The following RBM38 variants were observed in gnomAD, a reference collection of about 807,000 sequenced individuals.
The protein encoded by RBM38 is RNA binding motif protein 38, also known as RNA-binding protein 38.
RBM38 carries 11 observed loss-of-function variants against 23.5 expected under a neutral mutation model. That is an observed-to-expected ratio of 0.47 (90% CI 0.29 to 0.77). The LOEUF (loss-of-function observed/expected upper bound fraction) is 0.77, where lower values mean the gene tolerates loss of function less well. Among genes scored for constraint, RBM38 ranks in the 30% least tolerant of loss-of-function variants. The pLI is 0.08. For synonymous variants in RBM38, 165 were observed against 166.1 expected, an observed-to-expected ratio of 0.99 and a Z score of 0.05; for missense variants, 330 against 351.9, an observed-to-expected ratio of 0.94 and a Z score of 0.50.
rs2067235790 is a variant in RBM38 at position 57,392,908 on chromosome 20, G to C, written c.361+131G>C. On this transcript the variant is annotated intron_variant, in intron 2 of 3. Transcript: ENST00000356208. ...CGGCTATCATGTGCCTGCAGAGCCGGCACAGGGCAGCCATCCCCCCCTCGA... is the reference window on the plus strand; with the variant it reads ...CGGCTATCATGTGCCTGCAGAGCCGCCACAGGGCAGCCATCCCCCCCTCGA... 3 of 1,244,520 alleles carry C rather than the reference G, an allele frequency of 2.4e-6. No individual in the cohort carries two copies. In the Admixed American group the frequency reaches 6.9e-5, roughly 29 times the overall value. 77.1% of individuals were successfully genotyped at this position (1,244,520 alleles called of 1,614,324 possible). A position where few individuals can be genotyped will look rare whatever the true frequency, so the allele number is the denominator to read the frequency against.
Position 57,407,849 on chromosome 20 carries a change from G to T in RBM38, c.*3G>T. ...TGCAGCCTGACAGGATGCAGTGAGG[G>T]GCGTTCCTGCCCCGAGGACTGTGGC... is the stretch of plus-strand genomic sequence containing the variant. On this transcript the variant is annotated 3_prime_UTR_variant, in exon 4 of 4. Transcript: ENST00000356208. This position sits in a 1 kb window ranked among gnomAD's most constrained non-coding sequence, Gnocchi z 4.0. 1 of 1,555,280 alleles carries T rather than the reference G, an allele frequency of 6.4e-7. No individual in the cohort carries two copies.
chr20:57,395,295 A>G (rs529906842), intron 3 of RBM38, among the ~76,000 whole-genome samples: 1 of 145,540 alleles, frequency 6.9e-6, no homozygotes, highest in East Asian at 2.0e-4. Context: ...ATTGGAACAC[A>G]GGTGGTGGGT....
chr20:57,402,034 G>A (rs938713347), intron 3 of RBM38, among the ~76,000 whole-genome samples: 3 of 152,224 alleles, frequency 2.0e-5, no homozygotes, highest in Admixed American at 6.5e-5. Flanking sequence ...TGCAGCCTCC[G>A]CCTCCCGGGT....
intron 3 of RBM38, among the ~76,000 whole-genome samples, chr20:57,406,100 C>T (rs1365837506): frequency 6.6e-6 from 1 of 152,194 alleles, no homozygotes; most frequent in African/African-American, 2.4e-5. Context: ...GATACTGATG[C>T]CCAGGGCACA....
At chr20:57,393,460 G>A in intron 3 of RBM38, 127 bp downstream of exon 3, 7 of 1,064,248 alleles carry the variant, frequency 6.6e-6, no homozygotes, top group Admixed American at 1.8e-5. Context: ...TTTAAGCCAA[G>A]GGAGTGAAGA....
At chr20:57,405,686 C>T (rs187136496) in intron 3 of RBM38, among the ~76,000 whole-genome samples, 335 of 152,322 alleles carry the variant, frequency 2.2e-3, no homozygotes, top group Non-Finnish European at 3.5e-3. Context: ...GCTGCAGGAT[C>T]CACTGAGTGC....
chr20:57,392,831 G>A, intron 2 of RBM38, 54 bp downstream of exon 2: 2 of 1,588,718 alleles, frequency 1.3e-6, no homozygotes, highest in South Asian at 2.3e-5. Context: ...ATTGGGTGTC[G>A]GTATCTGTCG....
chr20:57,396,484 G>A (rs930782354), intron 3 of RBM38, among the ~76,000 whole-genome samples: 7 of 152,220 alleles, frequency 4.6e-5, no homozygotes, highest in Admixed American at 2.6e-4. Flanking sequence ...TGAGGGCACC[G>A]GGAGCAGAGG....
In RBM38 at chr20:57,408,744, C is replaced by G. The variant is rs1278679824; in HGVS notation, c.*898C>G. 1 of 152,258 alleles carries G rather than the reference C, an allele frequency of 6.6e-6. No homozygotes were observed. The highest frequency in any genetic ancestry group is 2.4e-5 in the African/African-American group (1 of 41,460). 9.4% of individuals were successfully genotyped at this position (152,258 alleles called of 1,614,324 possible). On this transcript the variant is annotated 3_prime_UTR_variant, in exon 4 of 4. Transcript: ENST00000356208. ...CCCTCAGGCCCGTGCGGGCCACTGTCTGCTGCCGCCTGCCGGGGTGGCAGA... is the reference window on the plus strand; with the variant it reads ...CCCTCAGGCCCGTGCGGGCCACTGTGTGCTGCCGCCTGCCGGGGTGGCAGA...
Position 57,407,712 on chromosome 20 carries a change from C to CCTGCCACGG in RBM38, c.593_601dup (p.Thr198_Ala200dup), listed in dbSNP as rs1182231043. 1.5e-5 allele frequency: 24 copies of CCTGCCACGG among 1,612,078 alleles called. No homozygotes were observed. Among genetic ancestry groups the CCTGCCACGG allele is most frequent in the Non-Finnish European group, 1.9e-5 (22 of 1,179,748 alleles). ...TGACCAGTACCCATACGCCGCCTCG[C>CCTGCCACGG]CTGCCACGGCTGCCAGCTTCGTGGG... On this transcript the variant is annotated inframe_insertion, in exon 4 of 4. Coordinates refer to ENST00000356208, the MANE Select transcript of RBM38 (RefSeq NM_017495.6). The surrounding 1 kb of genome is among the most constrained non-coding windows in gnomAD (Gnocchi z 4.0).
At position 57,391,575 on chromosome 20, in the gene RBM38, G is replaced by GC. The variant is rs1235931740; in HGVS notation, c.-1dup. ...GGCCCGGGTCCGTAGGCGGCGGGGC[G>GC]CCCCCCATGCTGCTGCAGCCCGCGC... On this transcript the variant is annotated 5_prime_UTR_variant, in exon 1 of 4. Transcript: ENST00000356208. 4 of 1,147,900 alleles carry GC rather than the reference G, an allele frequency of 3.5e-6. No individual in the cohort carries two copies. The highest frequency in any genetic ancestry group is 1.7e-5 in the African/African-American group (1 of 60,188). 71.1% of individuals were successfully genotyped at this position (1,147,900 alleles called of 1,614,324 possible).
chr20:57,393,076 G>A, intron 2 of RBM38: 1 of 645,464 alleles, frequency 1.5e-6, no homozygotes, highest in South Asian at 1.8e-5. Flanking sequence ...GACACCAGTG[G>A]CTGCTGACAC....
intron 3 of RBM38, among the ~76,000 whole-genome samples, chr20:57,400,828 G>C (rs1441169742): frequency 6.6e-6 from 1 of 152,102 alleles, no homozygotes; most frequent in African/African-American, 2.4e-5. Flanking sequence ...TTCTGAGGCC[G>C]GAACTTGGAA....
Position 57,407,477 on chromosome 20 carries a change from C to A in RBM38, c.417-66C>A. 6.5e-7 allele frequency: 1 copy of A among 1,537,458 alleles called. No homozygotes were observed. The highest frequency in any genetic ancestry group is 8.9e-7 in the Non-Finnish European group (1 of 1,126,930). On this transcript the variant is annotated intron_variant, in intron 3 of 3. Transcript: ENST00000356208. The surrounding 1 kb of genome is among the most constrained non-coding windows in gnomAD (Gnocchi z 4.0). ...GGGGGGCGGCACGCATCGTGTACCC[C>A]ACTGTTCTCCCAGCTGTATTCCCCA...
At chr20:57,399,117 A>C (rs926955587) in intron 3 of RBM38, among the ~76,000 whole-genome samples, 3 of 152,168 alleles carry the variant, frequency 2.0e-5, no homozygotes, top group African/African-American at 4.8e-5. Context: ...CATGCCTCAG[A>C]AGGCGACAGG....
chr20:57,398,359 C>G (rs962240408), intron 3 of RBM38, among the ~76,000 whole-genome samples: 1 of 152,112 alleles, frequency 6.6e-6, no homozygotes. Flanking sequence ...TGGGGAAGAG[C>G]GAGCAGCCCA....
chr20:57,398,191 T>C (rs1016001551), intron 3 of RBM38, among the ~76,000 whole-genome samples: 1 of 152,140 alleles, frequency 6.6e-6, no homozygotes, highest in Admixed American at 6.5e-5. Context: ...TTGGGAGTCT[T>C]TTATTATTTT....
chr20:57,406,345 A>C (rs1487978827), intron 3 of RBM38, among the ~76,000 whole-genome samples: 1 of 152,118 alleles, frequency 6.6e-6, no homozygotes, highest in East Asian at 1.9e-4. Context: ...GCAGGCAGGA[A>C]GTGTTGGCCT....
In RBM38 at chr20:57,392,914, G is replaced by A; in HGVS notation, c.361+137G>A. The A allele has an allele frequency of 3.3e-6, 4 of 1,200,802 alleles. No homozygotes were observed. In the South Asian group the frequency reaches 5.9e-5, roughly 18 times the overall value. 74.4% of individuals were successfully genotyped at this position (1,200,802 alleles called of 1,614,324 possible). A position where few individuals can be genotyped will look rare whatever the true frequency, so the allele number is the denominator to read the frequency against. On this transcript the variant is annotated intron_variant, in intron 2 of 3. Coordinates refer to ENST00000356208, the MANE Select transcript of RBM38 (RefSeq NM_017495.6). ...TCATGTGCCTGCAGAGCCGGCACAGGGCAGCCATCCCCCCCTCGAGGATCT... is the reference window on the plus strand; with the variant it reads ...TCATGTGCCTGCAGAGCCGGCACAGAGCAGCCATCCCCCCCTCGAGGATCT...
Sources: allele counts gnomAD v4.1 joint callset (sites outside exome capture counted in the v4.1 genomes callset), GRCh38; gene constraint gnomAD v4.1.1; non-coding constraint Gnocchi (gnomAD v3.1); transcripts MANE v1.5; gene names NCBI Gene and HGNC (gene_info 2026-07-23, HGNC 2026-07-21).